MGMT: variants seen among roughly 807,000 people sequenced by gnomAD.
MGMT encodes methylated-DNA--protein-cysteine methyltransferase.
Under a neutral mutation model 15.9 loss-of-function variants are expected in MGMT, and 14 were observed. The observed-to-expected ratio is 0.88, with a 90% CI of 0.58 to 1.37. The LOEUF is 1.37. Among genes scored for constraint, MGMT ranks in the 40% most tolerant of loss-of-function variants. The pLI is 0.00. For synonymous variants in MGMT, 130 were observed against 118.2 expected (o/e 1.10, Z -0.65); for missense variants, 282 against 268.1 (o/e 1.05, Z -0.36).
chr10:129,757,521 G>A (rs932362631), intron 3 of MGMT, among the ~76,000 whole-genome samples: 6 of 152,176 alleles, frequency 3.9e-5, no homozygotes, highest in Non-Finnish European at 5.9e-5. Context: ...CAGGAAATTG[G>A]CCTCTGCTTC....
chr10:129,748,072 C>A (rs867063300), intron 3 of MGMT, among the ~76,000 whole-genome samples: 1 of 152,124 alleles, frequency 6.6e-6, no homozygotes, highest in South Asian at 2.1e-4. Flanking sequence ...GTTACCTTCC[C>A]CCATCTCCCC....
intron 2 of MGMT, among the ~76,000 whole-genome samples, chr10:129,612,301 C>T (rs1846969719): frequency 6.6e-6 from 1 of 152,172 alleles, no homozygotes; most frequent in Non-Finnish European, 1.5e-5. Flanking sequence ...TGTTTCTTAT[C>T]AGACTTCAAG....
chr10:129,645,107 G>A (rs1323463991), intron 2 of MGMT, among the ~76,000 whole-genome samples: 1 of 147,096 alleles, frequency 6.8e-6, no homozygotes, highest in African/African-American at 2.5e-5. Context: ...ACTAAATCAA[G>A]CCTGAAAGCC....
At chr10:129,498,423 T>A (rs1341713139) in intron 1 of MGMT, among the ~76,000 whole-genome samples, 1 of 152,206 alleles carries the variant, frequency 6.6e-6, no homozygotes, top group Non-Finnish European at 1.5e-5. Flanking sequence ...TTCCCTAATG[T>A]TTGTATTTCC....
intron 3 of MGMT, among the ~76,000 whole-genome samples, chr10:129,723,873 C>T (rs571322328): frequency 2.6e-5 from 4 of 152,162 alleles, no homozygotes; most frequent in African/African-American, 9.7e-5. Context: ...GATCAGACAC[C>T]ACCAAGTGTC....
At chr10:129,525,151 A>G (rs1205712244) in intron 1 of MGMT, among the ~76,000 whole-genome samples, 1 of 152,176 alleles carries the variant, frequency 6.6e-6, no homozygotes, top group East Asian at 1.9e-4. Flanking sequence ...TTTGTATGTT[A>G]ACTGCTTGCT....
rs1845951813 is a variant in MGMT, at chr10:129,533,275, TCAGTAAACGG to T, written c.-12-2963_-12-2954del. On this transcript the variant is annotated intron_variant, in intron 1 of 4. Transcript: ENST00000651593. The surrounding 1 kb of genome is among the most constrained non-coding windows in gnomAD (Gnocchi z 4.5). ...GTTCTTTGAGTTGTGGAGTAGCCTT[TCAGTAAACGG>T]CATTTGTGCTTAAATTAGCCCGTGT... Among the ~76,000 whole-genome samples the T allele has an allele frequency of 6.6e-6, 1 of 152,218 alleles. No individual in the cohort carries two copies. Among genetic ancestry groups the T allele is most frequent in the African/African-American group, 2.4e-5 (1 of 41,450 alleles).
chr10:129,570,479 C>G (rs1373986642), intron 2 of MGMT, among the ~76,000 whole-genome samples: 4 of 152,236 alleles, frequency 2.6e-5, no homozygotes, highest in African/African-American at 9.6e-5. Context: ...GGAGAGGGAC[C>G]TACAAAGTCT....
chr10:129,587,619 G>T (rs1485102946), intron 2 of MGMT, among the ~76,000 whole-genome samples: 1 of 150,996 alleles, frequency 6.6e-6, no homozygotes, highest in African/African-American at 2.4e-5. Flanking sequence ...CTCCCAAGTA[G>T]CTGAGACTAC....
chr10:129,599,211 A>AT (rs1345922707), intron 2 of MGMT, among the ~76,000 whole-genome samples: 1 of 152,200 alleles, frequency 6.6e-6, no homozygotes, highest in Non-Finnish European at 1.5e-5. Context: ...ACAGTCAGCT[A>AT]TATTGGATTG....
intron 2 of MGMT, among the ~76,000 whole-genome samples, chr10:129,569,658 G>T (rs1220732076): frequency 1.3e-5 from 2 of 152,084 alleles, no homozygotes; most frequent in Admixed American, 1.3e-4. Flanking sequence ...AACCTTGGTG[G>T]GTTGTAGACT....
At chr10:129,713,283 C>T (rs780741738) in intron 3 of MGMT, among the ~76,000 whole-genome samples, 1 of 152,068 alleles carries the variant, frequency 6.6e-6, no homozygotes, top group Non-Finnish European at 1.5e-5. Flanking sequence ...AACCTTCTTC[C>T]GATGCCCGTT....
At chr10:129,635,168 A>G (rs1847251462) in intron 2 of MGMT, among the ~76,000 whole-genome samples, 1 of 152,216 alleles carries the variant, frequency 6.6e-6, no homozygotes, top group African/African-American at 2.4e-5. Context: ...CCACCCTGTC[A>G]TCCTCACAGA....
chr10:129,667,512 A>G (rs1233709061), intron 2 of MGMT, among the ~76,000 whole-genome samples: 1 of 151,954 alleles, frequency 6.6e-6, no homozygotes, highest in African/African-American at 2.4e-5. Flanking sequence ...ATCACAGTTT[A>G]TTAGTATCTT....
rs1847801066 is a variant in MGMT at position 129,677,691 on chromosome 10, G to C, written c.126-30204G>C. On this transcript the variant is annotated intron_variant, in intron 2 of 4. Coordinates refer to ENST00000651593, the MANE Select transcript of MGMT (RefSeq NM_002412.5). ...CACTAGTCAGGGCGCACAGCCCAGCGAAGTGCTCTGTCTGCTGGGAGGAGG... is the reference window on the plus strand; with the variant it reads ...CACTAGTCAGGGCGCACAGCCCAGCCAAGTGCTCTGTCTGCTGGGAGGAGG... Among the ~76,000 whole-genome samples the C allele has an allele frequency of 1.3e-5, 2 of 152,230 alleles. 1 individual carries two copies. The highest frequency in any genetic ancestry group is 2.9e-5 in the Non-Finnish European group (2 of 68,040).
At chr10:129,682,535 G>A (rs917497343) in intron 2 of MGMT, among the ~76,000 whole-genome samples, 8 of 152,002 alleles carry the variant, frequency 5.3e-5, no homozygotes, top group African/African-American at 9.7e-5. Flanking sequence ...AGACAGTTCA[G>A]TATCCTGTCT....
chr10:129,731,288 C>A (rs79080172), intron 3 of MGMT, among the ~76,000 whole-genome samples: 1,591 of 152,192 alleles, frequency 0.01, 20 homozygotes, highest in South Asian at 0.036. Context: ...TGATTGACGA[C>A]CCCAAAGAGC....
At chr10:129,616,745 T>C (rs886637717) in intron 2 of MGMT, among the ~76,000 whole-genome samples, 2 of 152,152 alleles carry the variant, frequency 1.3e-5, no homozygotes, top group Non-Finnish European at 2.9e-5. Flanking sequence ...ACCTCTGTTT[T>C]CTTTGTGATA....
At chr10:129,494,267 A>G (rs993842104) in intron 1 of MGMT, among the ~76,000 whole-genome samples, 1 of 152,004 alleles carries the variant, frequency 6.6e-6, no homozygotes, top group Non-Finnish European at 1.5e-5. Context: ...TTTTTTTCAT[A>G]TCTTCATTCA....
Sources: gnomAD v4.1 joint callset for allele counts (sites outside exome capture counted in the v4.1 genomes callset) on GRCh38, gnomAD v4.1.1 for gene constraint, Gnocchi (gnomAD v3.1) non-coding constraint, MANE v1.5 for transcripts, NCBI Gene and HGNC (gene_info 2026-07-23, HGNC 2026-07-21) for gene names.